The following CAMK1D variants were observed in gnomAD, a reference collection of about 807,000 sequenced individuals.
CAMK1D encodes calcium/calmodulin dependent protein kinase ID.
Under a neutral mutation model 47.7 loss-of-function variants are expected in CAMK1D, and 9 were observed. That is an observed-to-expected ratio of 0.19 (90% confidence interval 0.11 to 0.33). The LOEUF (loss-of-function observed/expected upper bound fraction) is 0.33, where lower values mean the gene tolerates loss of function less well. CAMK1D is among the 10% of genes least tolerant of loss of function. The pLI, the probability that CAMK1D is intolerant of heterozygous loss-of-function variation, is 1.00. For missense variants in CAMK1D, 291 were observed against 488.7 expected, an observed-to-expected ratio of 0.60 and a Z score of 3.81; for synonymous variants, 184 against 184.9, an observed-to-expected ratio of 0.99 and a Z score of 0.04.
chr10:12,565,166 G>C (rs1478606904), intron 2 of CAMK1D, among the ~76,000 whole-genome samples: 1 of 152,168 alleles, frequency 6.6e-6, no homozygotes, highest in African/African-American at 2.4e-5. Context: ...AGCTATGACT[G>C]TGCCACTGCA....
At chr10:12,599,576 C>A (rs1459922761) in intron 2 of CAMK1D, among the ~76,000 whole-genome samples, 3 of 152,176 alleles carry the variant, frequency 2.0e-5, no homozygotes, top group African/African-American at 7.2e-5. Context: ...TTCTTTTTGT[C>A]CCCTTTTAGA....
chr10:12,364,930 A>C, intron 1 of CAMK1D, among the ~76,000 whole-genome samples: 1 of 151,678 alleles, frequency 6.6e-6, no homozygotes, highest in African/African-American at 2.4e-5. Flanking sequence ...GCCAGTGAAG[A>C]ACTATGGAAT....
At chr10:12,383,775 G>A (rs754517141) in intron 1 of CAMK1D, among the ~76,000 whole-genome samples, 12 of 152,164 alleles carry the variant, frequency 7.9e-5, no homozygotes, top group Non-Finnish European at 1.6e-4. Flanking sequence ...AAGAATGAAC[G>A]CTTTACCTTA....
chr10:12,605,081 G>A (rs1413391643), intron 2 of CAMK1D, among the ~76,000 whole-genome samples: 1 of 151,982 alleles, frequency 6.6e-6, no homozygotes, highest in African/African-American at 2.4e-5. Context: ...TAGAGACGGG[G>A]TTTCACCATG....
chr10:12,751,703 T>G (rs1405810553), intron 3 of CAMK1D, among the ~76,000 whole-genome samples: 1 of 152,180 alleles, frequency 6.6e-6, no homozygotes, highest in Non-Finnish European at 1.5e-5. Context: ...GTAGCGACAT[T>G]CAAGCTAGGA....
At chr10:12,396,759 G>A (rs1055238524) in intron 1 of CAMK1D, among the ~76,000 whole-genome samples, 1 of 152,206 alleles carries the variant, frequency 6.6e-6, no homozygotes, top group East Asian at 1.9e-4. Context: ...GTTCAGCTTA[G>A]CACTTCCAGC....
chr10:12,455,217 G>C (rs900127067), intron 1 of CAMK1D, among the ~76,000 whole-genome samples: 12 of 152,188 alleles, frequency 7.9e-5, no homozygotes, highest in African/African-American at 2.9e-4. Flanking sequence ...TGTAGCTCAG[G>C]CTGGAGTGCA....
chr10:12,582,403 TG>T (rs1449131010), intron 2 of CAMK1D, among the ~76,000 whole-genome samples: 1 of 152,168 alleles, frequency 6.6e-6, no homozygotes, highest in Non-Finnish European at 1.5e-5. Context: ...TTTTTAGGAT[TG>T]TTTTTCTAGT....
chr10:12,624,261 C>T (rs1839136131), intron 2 of CAMK1D, among the ~76,000 whole-genome samples: 1 of 151,756 alleles, frequency 6.6e-6, no homozygotes, highest in African/African-American at 2.4e-5. Flanking sequence ...TCAGTAAGAA[C>T]CTGTAATAGA....
chr10:12,801,354 T>TATCTAATCTATC (rs57429397), intron 6 of CAMK1D, among the ~76,000 whole-genome samples: 82 of 66,564 alleles, frequency 1.2e-3, no homozygotes, highest in African/African-American at 4.1e-3. Flanking sequence ...TCTATCTATC[T>TATCTAATCTATC]TATCTATCTA....
chr10:12,475,111 T>G (rs1833863734), intron 1 of CAMK1D, among the ~76,000 whole-genome samples: 1 of 152,208 alleles, frequency 6.6e-6, no homozygotes, highest in South Asian at 2.1e-4. Flanking sequence ...TTTGGGTATA[T>G]ACCTAGTCAT....
chr10:12,474,395 G>A (rs762135448), intron 1 of CAMK1D, among the ~76,000 whole-genome samples: 24 of 151,832 alleles, frequency 1.6e-4, no homozygotes, highest in Non-Finnish European at 2.4e-4. Context: ...GGGTTTCACC[G>A]TGTTTTCCAG....
intron 1 of CAMK1D, among the ~76,000 whole-genome samples, chr10:12,484,718 G>T (rs1834160525): frequency 6.6e-6 from 1 of 152,064 alleles, no homozygotes; most frequent in South Asian, 2.1e-4. Context: ...TCGTGGAGGA[G>T]AGCCTAGCTT....
intron 1 of CAMK1D, among the ~76,000 whole-genome samples, chr10:12,353,465 A>G (rs1284969282): frequency 6.6e-6 from 1 of 152,166 alleles, no homozygotes; most frequent in African/African-American, 2.4e-5. Flanking sequence ...GGAGCCGAGC[A>G]TTTACTGTTG....
chr10:12,589,798 T>G (rs11592984), intron 2 of CAMK1D, among the ~76,000 whole-genome samples: 6,318 of 152,270 alleles, frequency 0.041, 165 homozygotes, highest in Middle Eastern at 0.088. Context: ...TTTGTCCTCC[T>G]TCATTGCAGT....
At chr10:12,805,373 T>C (rs1255233078) in intron 6 of CAMK1D, among the ~76,000 whole-genome samples, 2 of 139,170 alleles carry the variant, frequency 1.4e-5, no homozygotes, top group Non-Finnish European at 1.7e-5. Context: ...ATTTCTTTTT[T>C]TTTTTTTTTT....
intron 3 of CAMK1D, among the ~76,000 whole-genome samples, chr10:12,759,472 G>C (rs1288364178): frequency 6.6e-6 from 1 of 152,156 alleles, no homozygotes; most frequent in Non-Finnish European, 1.5e-5. Flanking sequence ...AAACTTGTTG[G>C]GGGAAGGTTC....
chr10:12,767,515 C>G (rs766929280), intron 4 of CAMK1D, among the ~76,000 whole-genome samples: 2 of 152,164 alleles, frequency 1.3e-5, no homozygotes, highest in South Asian at 2.1e-4. Flanking sequence ...TTGCCAAGGT[C>G]AAGAATGTGC....
chr10:12,490,858 C>T (rs747648290), intron 1 of CAMK1D, among the ~76,000 whole-genome samples: 21 of 152,218 alleles, frequency 1.4e-4, no homozygotes, highest in Non-Finnish European at 2.5e-4. Context: ...ATCCTAAATA[C>T]GCTGATTTGG....
Sources: allele counts gnomAD v4.1 joint callset (sites outside exome capture counted in the v4.1 genomes callset), GRCh38; gene constraint gnomAD v4.1.1; transcripts MANE v1.5; gene names NCBI Gene and HGNC (gene_info 2026-07-23, HGNC 2026-07-21).